The following ANKS1B variants were observed in gnomAD, a reference collection of about 807,000 sequenced individuals.
The protein encoded by ANKS1B is ankyrin repeat and sterile alpha motif domain-containing protein 1B.
Under a neutral mutation model 148.3 loss-of-function variants are expected in ANKS1B, and 36 were observed. The observed-to-expected ratio is 0.24, with a 90% CI of 0.19 to 0.32. The LOEUF (loss-of-function observed/expected upper bound fraction) is 0.32. ANKS1B is among the 10% of genes least tolerant of loss of function. The pLI, the probability that ANKS1B is intolerant of heterozygous loss-of-function variation, is 1.00. For synonymous variants in ANKS1B, 542 were observed against 560.8 expected (o/e 0.97, Z 0.47); for missense variants, 1,157 against 1,542.6 (o/e 0.75, Z 4.19).
chr12:99,191,090 GA>G lies in ANKS1B; in HGVS notation c.2420-36696del, dbSNP rs549046313. 3.8e-3 allele frequency among the ~76,000 whole-genome samples: 583 copies of G among 151,794 alleles called. 3 individuals carry two copies. Among genetic ancestry groups the G allele is most frequent in the African/African-American group, 0.014 (565 of 41,454 alleles). ...AGACATGTATGCAGCCAACAAACATGAAAAAAAGCTATAATCACTGGTCACT... is the reference window on the plus strand; with the variant it reads ...AGACATGTATGCAGCCAACAAACATGAAAAAAGCTATAATCACTGGTCACT... On this transcript the variant is annotated intron_variant, in intron 14 of 26. Transcript: ENST00000683438.
intron 12 of ANKS1B, among the ~76,000 whole-genome samples, chr12:99,298,684 T>A (rs1429330979): frequency 6.6e-6 from 1 of 152,226 alleles, no homozygotes; most frequent in Non-Finnish European, 1.5e-5. Context: ...TAGGGTAATT[T>A]GGCCTAGATT....
intron 1 of ANKS1B, among the ~76,000 whole-genome samples, chr12:99,942,778 G>T (rs2094952680): frequency 6.6e-6 from 1 of 152,076 alleles, no homozygotes; most frequent in South Asian, 2.1e-4. Flanking sequence ...CATGGAGCTT[G>T]TATGTCTAAG....
At chr12:99,092,020 C>A (rs1421564863) in intron 15 of ANKS1B, among the ~76,000 whole-genome samples, 1 of 152,170 alleles carries the variant, frequency 6.6e-6, no homozygotes, top group Non-Finnish European at 1.5e-5. Context: ...AGTACCGAAG[C>A]AACAATGAAC....
At chr12:99,079,632 A>G (rs1458373674) in intron 16 of ANKS1B, 1 of 152,240 alleles carries the variant, frequency 6.6e-6, no homozygotes, top group Non-Finnish European at 1.5e-5. Context: ...ATGAGTAGGC[A>G]GAGAGACAAC....
At chr12:98,836,967 A>G (rs1043191408) in intron 17 of ANKS1B, among the ~76,000 whole-genome samples, 6 of 152,190 alleles carry the variant, frequency 3.9e-5, no homozygotes, top group African/African-American at 9.7e-5. Context: ...TTATCACACC[A>G]TTAACTAAGA....
At chr12:99,660,907 AG>A (rs1372586667) in intron 8 of ANKS1B, among the ~76,000 whole-genome samples, 1 of 152,170 alleles carries the variant, frequency 6.6e-6, no homozygotes, top group Non-Finnish European at 1.5e-5. Context: ...CTGAACAGGA[AG>A]GCCTCCATGA....
intron 12 of ANKS1B, among the ~76,000 whole-genome samples, chr12:99,386,860 A>T (rs981016265): frequency 6.6e-6 from 1 of 152,226 alleles, no homozygotes; most frequent in Non-Finnish European, 1.5e-5. Context: ...GAAGAAAGCA[A>T]TGTAGTTCAG....
chr12:99,282,053 A>G (rs570155789), intron 12 of ANKS1B, among the ~76,000 whole-genome samples: 32 of 152,304 alleles, frequency 2.1e-4, no homozygotes, highest in African/African-American at 7.5e-4. Flanking sequence ...TATGTGCAGT[A>G]ATAATACAGG....
At chr12:99,562,082 A>C (rs2097342413) in intron 9 of ANKS1B, among the ~76,000 whole-genome samples, 1 of 152,354 alleles carries the variant, frequency 6.6e-6, no homozygotes, top group South Asian at 2.1e-4. Context: ...CATTTCCATC[A>C]GCAATCTTGG....
At chr12:99,858,198 A>C (rs1178358524) in intron 1 of ANKS1B, among the ~76,000 whole-genome samples, 1 of 152,192 alleles carries the variant, frequency 6.6e-6, no homozygotes, top group African/African-American at 2.4e-5. Context: ...AGAAAAAAAC[A>C]AATAATCCCA....
At chr12:99,354,448 T>C (rs946252390) in intron 12 of ANKS1B, among the ~76,000 whole-genome samples, 1 of 152,018 alleles carries the variant, frequency 6.6e-6, no homozygotes, top group African/African-American at 2.4e-5. Flanking sequence ...TTGTACGTGA[T>C]GTTGTACTTA....
At chr12:99,270,077 G>A (rs978703347) in intron 12 of ANKS1B, among the ~76,000 whole-genome samples, 1 of 152,190 alleles carries the variant, frequency 6.6e-6, no homozygotes, top group South Asian at 2.1e-4. Flanking sequence ...AACAGAGACT[G>A]GAGTGAAAGT....
intron 2 of ANKS1B, among the ~76,000 whole-genome samples, chr12:99,819,553 T>A (rs544270627): frequency 1.3e-5 from 2 of 151,716 alleles, no homozygotes; most frequent in Non-Finnish European, 3.0e-5. Context: ...GGTAGAAGAA[T>A]AGAAAATATC....
intron 9 of ANKS1B, among the ~76,000 whole-genome samples, chr12:98,738,211 A>C (rs993968445): frequency 6.6e-6 from 1 of 152,240 alleles, no homozygotes; most frequent in African/African-American, 2.4e-5. Context: ...AGAATTTGGG[A>C]AATTTTCATT....
At position 99,072,368 on chromosome 12, in the gene ANKS1B, A is replaced by G. The variant is rs78608954; in HGVS notation, c.2625+12557T>C. On this transcript the variant is annotated intron_variant, in intron 16 of 26. Coordinates refer to ENST00000683438, the MANE Select transcript of ANKS1B (RefSeq NM_001352186.2). The stretch of plus-strand genomic sequence containing the variant: ...ACTTCATATGCATTTTTGTATTTAT[A>G]TCTCACAATGACCTAATGTGATAAG... Among the ~76,000 whole-genome samples, 111 of 152,214 alleles carry G rather than the reference A, an allele frequency of 7.3e-4. No individual in the cohort carries two copies. The East Asian group carries it at 0.016, about 22-fold the overall frequency.
chr12:99,777,098 A>G (rs1239775129), intron 6 of ANKS1B, among the ~76,000 whole-genome samples: 1 of 152,268 alleles, frequency 6.6e-6, no homozygotes, highest in Non-Finnish European at 1.5e-5. Flanking sequence ...CGTTCAGCCC[A>G]CAAGTGGCTA....
intron 17 of ANKS1B, among the ~76,000 whole-genome samples, chr12:98,975,342 C>A (rs1255814246): frequency 7.0e-6 from 1 of 143,300 alleles, no homozygotes; most frequent in East Asian, 2.2e-4. Flanking sequence ...CCTTTCCTTT[C>A]TCCTTCCTTC....
rs556963375 is a variant in ANKS1B at position 99,094,836 on chromosome 12, T to C, written c.2527-9813A>G. On this transcript the variant is annotated intron_variant, in intron 15 of 26. Transcript: ENST00000683438. Reference sequence around the variant, plus strand: ...TGTATTCCAAGTGCAATGGGAAACATTGAAGGAAATATACTAATTTGCATC... The same window carrying C: ...TGTATTCCAAGTGCAATGGGAAACACTGAAGGAAATATACTAATTTGCATC... Among the ~76,000 whole-genome samples the C allele has an allele frequency of 6.6e-5, 10 of 152,258 alleles. No homozygotes were observed. The East Asian group carries it at 1.5e-3, about 24-fold the overall frequency.
At chr12:99,339,503 G>GTT in intron 12 of ANKS1B, among the ~76,000 whole-genome samples, 1 of 152,214 alleles carries the variant, frequency 6.6e-6, no homozygotes, top group African/African-American at 2.4e-5. Context: ...CTAAATTTTG[G>GTT]TTGTTATAAA....
Sources: gnomAD v4.1 joint callset for allele counts (sites outside exome capture counted in the v4.1 genomes callset) on GRCh38, gnomAD v4.1.1 for gene constraint, MANE v1.5 for transcripts, NCBI Gene and HGNC (gene_info 2026-07-23, HGNC 2026-07-21) for gene names.